SLC26A7: variants seen among roughly 807,000 people sequenced by gnomAD.
SLC26A7 encodes the protein solute carrier family 26 member 7.
Under a neutral mutation model 82.5 loss-of-function variants are expected in SLC26A7, and 59 were observed. That is an observed-to-expected ratio of 0.72 (90% CI 0.58 to 0.89). The LOEUF is 0.89. SLC26A7 is among the 40% of genes least tolerant of loss of function. The probability of loss-of-function intolerance (pLI) is 0.00; values close to 1 mark genes in which losing one functional copy is unlikely to be tolerated. For missense variants in SLC26A7, 820 were observed against 793.0 expected, an observed-to-expected ratio of 1.03 and a Z score of -0.41; for synonymous variants, 271 against 274.3, an observed-to-expected ratio of 0.99 and a Z score of 0.12.
rs1017319548 is a variant in SLC26A7, at chr8:91,362,365, A to G, written c.1327A>G (p.Ser443Gly). The G allele has an allele frequency of 3.1e-6, 5 of 1,609,474 alleles. No individual in the cohort carries two copies. Among genetic ancestry groups the G allele is most frequent in the Non-Finnish European group, 4.2e-6 (5 of 1,177,202 alleles). Residue 443 changes from serine (S) to glycine (G), a missense_variant, in exon 12 of 19, where the codon AGT becomes GGT. By Grantham distance (56) the Ser-to-Gly change is moderately conservative. Transcript: ENST00000276609. Reference sequence around the variant, plus strand: ...GTTTCTCTTTCAGGGAATATGGGTCAGTACATATGTATTTACAATATGCTT... The same window carrying G: ...GTTTCTCTTTCAGGGAATATGGGTCGGTACATATGTATTTACAATATGCTT... ...VDKIDWGIWV[S>G]TYVFTICFAA...
intron 14 of SLC26A7, among the ~76,000 whole-genome samples, chr8:91,367,261 G>T (rs1021833408): frequency 1.3e-5 from 2 of 152,140 alleles, no homozygotes; most frequent in African/African-American, 4.8e-5. Flanking sequence ...ACCCGCCTCG[G>T]CCTTCCAAAG....
chr8:91,371,241 A>G (rs565822486), intron 15 of SLC26A7, among the ~76,000 whole-genome samples: 3 of 151,982 alleles, frequency 2.0e-5, no homozygotes, highest in South Asian at 2.1e-4. Flanking sequence ...TTTCTTATTA[A>G]TAAGAGGAAG....
chr8:91,326,082 C>G (rs2130818964), intron 5 of SLC26A7, among the ~76,000 whole-genome samples: 1 of 152,156 alleles, frequency 6.6e-6, no homozygotes, highest in African/African-American at 2.4e-5. Flanking sequence ...ATTCAGTTGG[C>G]CATCTCTCTT....
chr8:91,394,297 T>G (rs751602975), intron 18 of SLC26A7: 3 of 1,612,708 alleles, frequency 1.9e-6, no homozygotes, highest in Non-Finnish European at 2.5e-6. Flanking sequence ...TGCCTATCAT[T>G]TGCAAACTGC....
intron 16 of SLC26A7, among the ~76,000 whole-genome samples, chr8:91,389,705 A>C (rs186514941): frequency 6.6e-6 from 1 of 152,284 alleles, no homozygotes. Context: ...TAGACTTGAG[A>C]TACAGTGGGC....
chr8:91,251,045 GA>G (rs1412721968), intron 2 of SLC26A7, among the ~76,000 whole-genome samples: 3 of 79,314 alleles, frequency 3.8e-5, no homozygotes, highest in African/African-American at 1.5e-4. Flanking sequence ...CTTAAGTGAT[GA>G]ATTTTTTTTT....
At chr8:91,357,495 T>A (rs1234925507) in intron 11 of SLC26A7, among the ~76,000 whole-genome samples, 1 of 152,128 alleles carries the variant, frequency 6.6e-6, no homozygotes, top group East Asian at 1.9e-4. Flanking sequence ...GATATCCAAA[T>A]CTATACTTAG....
intron 7 of SLC26A7, among the ~76,000 whole-genome samples, chr8:91,339,219 CATA>C (rs1299802680): frequency 1.3e-5 from 2 of 151,896 alleles, no homozygotes. Flanking sequence ...TTTTGTGTAG[CATA>C]ATAACCTGTA....
At chr8:91,359,480 G>A (rs1813984660) in intron 11 of SLC26A7, among the ~76,000 whole-genome samples, 1 of 152,162 alleles carries the variant, frequency 6.6e-6, no homozygotes, top group Non-Finnish European at 1.5e-5. Flanking sequence ...TAAGAGCTTA[G>A]AATTTGTAGT....
chr8:91,386,710 T>C (rs1397778764), intron 15 of SLC26A7, among the ~76,000 whole-genome samples: 4 of 152,202 alleles, frequency 2.6e-5, no homozygotes, highest in African/African-American at 9.6e-5. Flanking sequence ...AGTTCTGATC[T>C]GTAGCATTTG....
chr8:91,374,697 A>G (rs1375148699), intron 15 of SLC26A7, among the ~76,000 whole-genome samples: 1 of 152,068 alleles, frequency 6.6e-6, no homozygotes, highest in Non-Finnish European at 1.5e-5. Flanking sequence ...AGAAAAATGT[A>G]TATTCTGTGC....
At chr8:91,239,393 A>ATAT (rs1290343702) in intron 2 of SLC26A7, among the ~76,000 whole-genome samples, 4 of 101,844 alleles carry the variant, frequency 3.9e-5, no homozygotes, top group African/African-American at 1.3e-4. Context: ...AAAAAAAAAA[A>ATAT]AAATATATAT....
intron 7 of SLC26A7, 83 bp downstream of exon 7, chr8:91,338,315 G>C: frequency 1.2e-6 from 1 of 828,558 alleles, no homozygotes; most frequent in Non-Finnish European, 1.8e-6. Flanking sequence ...GAGTGGGTAT[G>C]GATATTTCAT....
intron 2 of SLC26A7, among the ~76,000 whole-genome samples, chr8:91,229,628 G>C (rs1402311754): frequency 6.6e-6 from 1 of 152,018 alleles, no homozygotes; most frequent in Non-Finnish European, 1.5e-5. Context: ...TCACTAACTA[G>C]AGTTAAATAC....
chr8:91,363,711 C>A (rs543154232), intron 13 of SLC26A7, among the ~76,000 whole-genome samples, 173 bp downstream of exon 13: 8 of 152,098 alleles, frequency 5.3e-5, no homozygotes, highest in Non-Finnish European at 1.5e-5. Flanking sequence ...AAACTACATG[C>A]AACAAATCAA....
At chr8:91,261,847 C>G (rs1044163688) in intron 2 of SLC26A7, among the ~76,000 whole-genome samples, 2 of 152,044 alleles carry the variant, frequency 1.3e-5, no homozygotes, top group African/African-American at 4.8e-5. Context: ...GAGTTTCTTT[C>G]TTTCTTTTAA....
In SLC26A7 at chr8:91,278,837, G is replaced by A. The variant is rs77737411; in HGVS notation, c.194-10299G>A. Among the ~76,000 whole-genome samples the A allele has an allele frequency of 5.8e-3, 873 of 151,794 alleles. 7 individuals are homozygous for A. The highest frequency in any genetic ancestry group is 0.02 in the African/African-American group (824 of 41,390). ...CTATAGTCATCATAGTATACAATAG[G>A]TCTTTTGAACTTATTTCTCCTAACT... On this transcript the variant is annotated intron_variant, in intron 2 of 18. Coordinates refer to ENST00000276609, the MANE Select transcript of SLC26A7 (RefSeq NM_052832.4).
chr8:91,254,513 G>A (rs1413088918), intron 2 of SLC26A7, among the ~76,000 whole-genome samples: 1 of 152,042 alleles, frequency 6.6e-6, no homozygotes, highest in Non-Finnish European at 1.5e-5. Context: ...TGTGAACCTG[G>A]ACTCATATGT....
chr8:91,295,424 A>G (rs1811988830), intron 3 of SLC26A7, 107 bp from the exon 4 acceptor site: 2 of 1,271,372 alleles, frequency 1.6e-6, no homozygotes, highest in African/African-American at 3.0e-5. Context: ...AGTGTTTCTA[A>G]TAGATCTGTT....
Sources: gnomAD v4.1 joint callset for allele counts (sites outside exome capture counted in the v4.1 genomes callset) on GRCh38, gnomAD v4.1.1 for gene constraint, MANE v1.5 for transcripts, NCBI Gene and HGNC (gene_info 2026-07-23, HGNC 2026-07-21) for gene names.